RUSC2: variants seen among roughly 807,000 people sequenced by gnomAD.
RUSC2 encodes the protein AP-4 complex accessory subunit RUSC2.
RUSC2 carries 34 observed loss-of-function variants against 122.2 expected under a neutral mutation model. The ratio of observed to expected loss-of-function variants is 0.28; its 90% CI spans 0.21 to 0.37. The LOEUF (loss-of-function observed/expected upper bound fraction) is 0.37, where lower values mean the gene tolerates loss of function less well. RUSC2 is among the 10% of genes least tolerant of loss of function. The pLI, the probability that RUSC2 is intolerant of heterozygous loss-of-function variation, is 1.00. For missense variants in RUSC2, 1,747 were observed against 1,952.4 expected (o/e 0.89, Z 1.98); for synonymous variants, 784 against 790.0 (o/e 0.99, Z 0.13).
At chr9:35,494,954 A>G (rs1470856495) in intron 1 of RUSC2, among the ~76,000 whole-genome samples, 1 of 124,392 alleles carries the variant, frequency 8.0e-6, no homozygotes, top group Non-Finnish European at 1.6e-5. Context: ...TATATATTAT[A>G]CATATATAAA....
In RUSC2 at chr9:35,560,876, TGGAG is replaced by T. The variant is rs765823271; in HGVS notation, c.4211+30_4211+33del. 7 of 1,561,798 alleles carry T rather than the reference TGGAG, an allele frequency of 4.5e-6. No homozygotes were observed. The African/African-American group carries it at 5.4e-5, about 12-fold the overall frequency. Reference sequence around the variant, plus strand: ...GGTGAGAGCCTGCCCATGGTAGGGATGGAGGGAGTAGGGAGCCTGCTGTAAGCCA... The same window carrying T: ...GGTGAGAGCCTGCCCATGGTAGGGATGGAGTAGGGAGCCTGCTGTAAGCCA... On this transcript the variant is annotated intron_variant, in intron 10 of 11. Transcript: ENST00000361226.
Position 35,558,517 on chromosome 9 carries a change from G to C in RUSC2, c.3291G>C (p.Glu1097Asp). The stretch of plus-strand genomic sequence containing the variant: ...ACAACAAAGTCAGCCAATTCCCAGA[G>C]CTCACCAGTCATACCATGCGCTTCA... ...GLYNKVSQFP[E>D]LTSHTMRFNA... Residue 1097 changes from glutamate to aspartate, a missense_variant, in exon 8 of 12, where the codon GAG becomes GAC. Glu to Asp is a conservative substitution (Grantham distance 45). Coordinates refer to ENST00000361226, the MANE Select transcript of RUSC2 (RefSeq NM_014806.5). This position sits in a 1 kb window ranked among gnomAD's most constrained non-coding sequence, Gnocchi z 4.3. The C allele has an allele frequency of 6.2e-7, 1 of 1,614,148 alleles. No individual in the cohort carries two copies. The highest frequency in any genetic ancestry group is 2.2e-5 in the East Asian group (1 of 44,874).
chr9:35,541,302 T>C (rs985967306), intron 1 of RUSC2, among the ~76,000 whole-genome samples: 2 of 152,020 alleles, frequency 1.3e-5, no homozygotes, highest in African/African-American at 4.8e-5. Flanking sequence ...AAGTCTGAAA[T>C]GAGCTCTTCC....
In RUSC2 at chr9:35,558,153, T is replaced by G; in HGVS notation, c.3061-44T>G. Reference sequence around the variant, plus strand: ...AGGGCCTGCTACGAGAGGACCACAGTCAGGCCTGAGGGGGTTTCCTGCACT... The same window carrying G: ...AGGGCCTGCTACGAGAGGACCACAGGCAGGCCTGAGGGGGTTTCCTGCACT... On this transcript the variant is annotated intron_variant, in intron 6 of 11. Transcript: ENST00000361226. This position sits in a 1 kb window ranked among gnomAD's most constrained non-coding sequence, Gnocchi z 4.3. The G allele has an allele frequency of 3.7e-6, 6 of 1,600,724 alleles. No individual in the cohort carries two copies. The highest frequency in any genetic ancestry group is 5.1e-6 in the Non-Finnish European group (6 of 1,173,138).
At chr9:35,526,748 T>C (rs1291008433) in intron 1 of RUSC2, among the ~76,000 whole-genome samples, 1 of 152,158 alleles carries the variant, frequency 6.6e-6, no homozygotes, top group South Asian at 2.1e-4. Context: ...CACTGCAGCC[T>C]GGGCAAAAGA....
At chr9:35,531,275 T>C (rs973958608) in intron 1 of RUSC2, among the ~76,000 whole-genome samples, 3 of 151,918 alleles carry the variant, frequency 2.0e-5, no homozygotes, top group African/African-American at 4.8e-5. Context: ...AAAAAAGAAT[T>C]TGGATTTATC....
At chr9:35,539,512 C>T (rs146956273) in intron 1 of RUSC2, among the ~76,000 whole-genome samples, 98 of 152,192 alleles carry the variant, frequency 6.4e-4, no homozygotes, top group African/African-American at 2.2e-3. Flanking sequence ...CAAGGATCCT[C>T]GCAGCTTTCA....
At chr9:35,538,148 T>C (rs1031866018) in intron 1 of RUSC2, among the ~76,000 whole-genome samples, 12 of 152,180 alleles carry the variant, frequency 7.9e-5, no homozygotes, top group Non-Finnish European at 1.3e-4. Flanking sequence ...CAAACCCAGC[T>C]GGACCCAGCT....
At chr9:35,519,839 A>G (rs971115439) in intron 1 of RUSC2, among the ~76,000 whole-genome samples, 6 of 152,166 alleles carry the variant, frequency 3.9e-5, no homozygotes, top group Non-Finnish European at 8.8e-5. Context: ...AAAATATGAC[A>G]GTTTTACAAA....
rs753748292 is a variant in RUSC2 at position 35,547,376 on chromosome 9, C to T, written c.855C>T (p.Ser285=). 6.2e-7 allele frequency: 1 copy of T among 1,614,202 alleles called. No individual in the cohort carries two copies. ...CAGATGGTGTGCTGGTCACCTTCAG[C>T]ACCCTCTACAACAAGATGCATGGCA... The part of the protein sequence containing the change: ...NSSDGVLVTF[S]TLYNKMHGTP... Residue 285 remains serine (S), a synonymous_variant, in exon 2 of 12, where the codon AGC becomes AGT. Transcript: ENST00000361226. The surrounding 1 kb of genome is among the most constrained non-coding windows in gnomAD (Gnocchi z 4.6).
intron 1 of RUSC2, among the ~76,000 whole-genome samples, chr9:35,539,937 T>C (rs900986075): frequency 3.9e-5 from 6 of 152,104 alleles, no homozygotes; most frequent in Non-Finnish European, 5.9e-5. Context: ...TTGAAGACCA[T>C]TGTGTTCCCC....
chr9:35,535,635 T>C (rs968759549), intron 1 of RUSC2, among the ~76,000 whole-genome samples: 3 of 150,768 alleles, frequency 2.0e-5, no homozygotes, highest in African/African-American at 7.3e-5. Context: ...GCCTCCTGGG[T>C]TCACGCCATT....
At chr9:35,514,117 C>T (rs1042720364) in intron 1 of RUSC2, among the ~76,000 whole-genome samples, 2 of 151,892 alleles carry the variant, frequency 1.3e-5, no homozygotes, top group Non-Finnish European at 2.9e-5. Context: ...TCTGAGTATA[C>T]ACCAACAAAT....
chr9:35,504,274 C>T (rs1820870298), intron 1 of RUSC2, among the ~76,000 whole-genome samples: 1 of 152,048 alleles, frequency 6.6e-6, no homozygotes, highest in Non-Finnish European at 1.5e-5. Context: ...ATGAAAATGC[C>T]TGTTGTACTT....
intron 1 of RUSC2, among the ~76,000 whole-genome samples, chr9:35,511,688 C>A (rs1821012851): frequency 6.6e-6 from 1 of 152,102 alleles, no homozygotes; most frequent in Non-Finnish European, 1.5e-5. Flanking sequence ...TCAGTGACTA[C>A]AAAGATGAAG....
At chr9:35,560,884 G>T in intron 10 of RUSC2, 33 bp downstream of exon 10, 1 of 1,574,928 alleles carries the variant, frequency 6.3e-7, no homozygotes, top group Non-Finnish European at 8.6e-7. Context: ...GATGGAGGGA[G>T]TAGGGAGCCT....
Position 35,548,703 on chromosome 9 carries a change from T to G in RUSC2, c.2014+168T>G, listed in dbSNP as rs1169392997. The G allele has an allele frequency of 2.0e-6, 2 of 985,128 alleles. No individual in the cohort carries two copies. The highest frequency in any genetic ancestry group is 2.4e-6 in the Non-Finnish European group (2 of 829,926). The allele number at this position is 985,128 out of a possible 1,614,324, so 61.0% of individuals were successfully genotyped here. A position where few individuals can be genotyped will look rare whatever the true frequency, so the allele number is the denominator to read the frequency against. On this transcript the variant is annotated intron_variant, in intron 2 of 11. Coordinates refer to ENST00000361226, the MANE Select transcript of RUSC2 (RefSeq NM_014806.5). The surrounding 1 kb of genome is among the most constrained non-coding windows in gnomAD (Gnocchi z 4.5). ...GGCAGGACCCACAGCTACAGTGGAA[T>G]AGGCTCACTGGAGAAAGACAGAGGA...
rs1821818503 is a variant in RUSC2 at position 35,548,444 on chromosome 9, C to A, written c.1923C>A (p.Gly641=). The change falls in exon 2 of 12, where the codon GGC becomes GGA. Residue 641 remains glycine, a synonymous_variant. Coordinates refer to ENST00000361226, the MANE Select transcript of RUSC2 (RefSeq NM_014806.5). The surrounding 1 kb of genome is among the most constrained non-coding windows in gnomAD (Gnocchi z 4.5). ...CTGGCCTCAGAGCTACTGGGCAAGG[C>A]CCCCTGGCTCAGCTGATGGATCCAG... ...PPAGLRATGQ[G]PLAQLMDPGP... The A allele has an allele frequency of 1.2e-6, 2 of 1,613,692 alleles. No homozygotes were observed. The highest frequency in any genetic ancestry group is 2.2e-5 in the South Asian group (2 of 91,090).
intron 1 of RUSC2, among the ~76,000 whole-genome samples, chr9:35,510,424 T>C (rs1820992517): frequency 6.6e-6 from 1 of 152,260 alleles, no homozygotes. Context: ...TTAATAAATA[T>C]GCTAATTGGC....
Sources: gnomAD v4.1 joint callset for allele counts (sites outside exome capture counted in the v4.1 genomes callset) on GRCh38, gnomAD v4.1.1 for gene constraint, Gnocchi (gnomAD v3.1) non-coding constraint, MANE v1.5 for transcripts, NCBI Gene and HGNC (gene_info 2026-07-23, HGNC 2026-07-21) for gene names.